HNRNPC: variants seen among roughly 807,000 people sequenced by gnomAD.
HNRNPC encodes the protein heterogeneous nuclear ribonucleoproteins C1/C2.
Under a neutral mutation model 33.2 loss-of-function variants are expected in HNRNPC, and 3 were observed. That is an observed-to-expected ratio of 0.09 (90% CI 0.04 to 0.23). The LOEUF (loss-of-function observed/expected upper bound fraction) is 0.23. HNRNPC is among the 10% of genes least tolerant of loss of function. The pLI, the probability that HNRNPC is intolerant of heterozygous loss-of-function variation, is 1.00. For missense variants in HNRNPC, 143 were observed against 366.7 expected, an observed-to-expected ratio of 0.39 and a Z score of 4.98; for synonymous variants, 121 against 126.7, an observed-to-expected ratio of 0.96 and a Z score of 0.30.
intron 5 of HNRNPC, among the ~76,000 whole-genome samples, chr14:21,225,361 G>A (rs1409369781): frequency 2.0e-5 from 3 of 151,950 alleles, no homozygotes; most frequent in Non-Finnish European, 4.4e-5. Context: ...GAACCTGGGA[G>A]GTGGAGGTTG....
chr14:21,231,093 T>A, intron 3 of HNRNPC, 21 bp from the exon 4 acceptor site: 1 of 1,597,930 alleles, frequency 6.3e-7, no homozygotes, highest in Non-Finnish European at 8.6e-7. Context: ...AAAGTAAAAA[T>A]GTTAATGACA....
chr14:21,212,030 G>A, intron 6 of HNRNPC, 107 bp from the exon 7 acceptor site: 2 of 817,450 alleles, frequency 2.4e-6, no homozygotes, highest in Non-Finnish European at 4.1e-6. Flanking sequence ...GATACCCAGG[G>A]AGAAACAGAG....
intron 5 of HNRNPC, among the ~76,000 whole-genome samples, chr14:21,226,435 G>T (rs72675015): frequency 0.15 from 23,299 of 151,592 alleles, 2,284 homozygotes; most frequent in South Asian, 0.23. Flanking sequence ...TCTATTTTTA[G>T]AGTACTTCCC....
intron 2 of HNRNPC, among the ~76,000 whole-genome samples, chr14:21,238,075 T>G (rs1208401145): frequency 6.6e-6 from 1 of 152,286 alleles, no homozygotes; most frequent in Non-Finnish European, 1.5e-5. Flanking sequence ...TCGGCCCTGA[T>G]CCCATTTTCT....
intron 1 of HNRNPC, among the ~76,000 whole-genome samples, chr14:21,266,820 G>A (rs1309484192): frequency 1.3e-5 from 2 of 151,912 alleles, no homozygotes; most frequent in African/African-American, 4.8e-5. Context: ...GCCGGGTGCG[G>A]TGGCTCACGC....
rs374642923 is a variant in HNRNPC at position 21,214,147 on chromosome 14, AACTT to A, written c.366-1034_366-1031del. Among the ~76,000 whole-genome samples the A allele has an allele frequency of 7.9e-5, 12 of 152,342 alleles. No homozygotes were observed. The East Asian group carries it at 2.3e-3, about 29-fold the overall frequency. ...CTGCAAGCTTTTTAAAAATGCAACTAACTTAATGCAAAGGCCCAGGTACTCTATA... is the reference window on the plus strand; with the variant it reads ...CTGCAAGCTTTTTAAAAATGCAACTAAATGCAAAGGCCCAGGTACTCTATA... On this transcript the variant is annotated intron_variant, in intron 5 of 8. Coordinates refer to ENST00000553300, the MANE Select transcript of HNRNPC (RefSeq NM_004500.4).
At chr14:21,238,335 C>T (rs1487971869) in intron 2 of HNRNPC, among the ~76,000 whole-genome samples, 1 of 152,144 alleles carries the variant, frequency 6.6e-6, no homozygotes, top group East Asian at 1.9e-4. Context: ...TGAAAACGTA[C>T]AATACATAGG....
At chr14:21,250,918 T>A (rs1896580877) in intron 2 of HNRNPC, among the ~76,000 whole-genome samples, 1 of 152,200 alleles carries the variant, frequency 6.6e-6, no homozygotes, top group Non-Finnish European at 1.5e-5. Context: ...GATGCTATGC[T>A]GGAGCACAGG....
intron 2 of HNRNPC, 115 bp downstream of exon 2, chr14:21,263,196 T>C (rs766653901): frequency 6.6e-6 from 1 of 152,178 alleles, no homozygotes; most frequent in Non-Finnish European, 1.5e-5. Flanking sequence ...ATCATCATCA[T>C]CACCATCATA....
intron 5 of HNRNPC, among the ~76,000 whole-genome samples, chr14:21,224,427 A>C (rs1394361709): frequency 1.3e-5 from 2 of 152,170 alleles, no homozygotes; most frequent in African/African-American, 4.8e-5. Context: ...TGACAGCACA[A>C]ACTCTGTGAA....
chr14:21,266,372 T>C (rs1387152567), intron 1 of HNRNPC, among the ~76,000 whole-genome samples: 2 of 152,154 alleles, frequency 1.3e-5, no homozygotes, highest in East Asian at 1.9e-4. Context: ...GTGCTGGGAT[T>C]ACAGGCATGA....
intron 5 of HNRNPC, among the ~76,000 whole-genome samples, chr14:21,221,205 G>A (rs1411517405): frequency 2.0e-5 from 3 of 152,212 alleles, no homozygotes; most frequent in Non-Finnish European, 4.4e-5. Flanking sequence ...TTCTACAGAT[G>A]ACTTTCTCCT....
At chr14:21,256,139 T>C (rs1469099292) in intron 2 of HNRNPC, among the ~76,000 whole-genome samples, 1 of 152,230 alleles carries the variant, frequency 6.6e-6, no homozygotes, top group Non-Finnish European at 1.5e-5. Flanking sequence ...TTAGGTTGTT[T>C]GTTTTCAGGC....
chr14:21,249,291 G>A (rs866908070), intron 2 of HNRNPC, among the ~76,000 whole-genome samples: 4 of 152,008 alleles, frequency 2.6e-5, no homozygotes, highest in Non-Finnish European at 5.9e-5. Context: ...AGGAATTGGG[G>A]CTGGGCGCAG....
chr14:21,253,312 TAAA>T (rs369876564), intron 2 of HNRNPC, among the ~76,000 whole-genome samples: 1 of 133,068 alleles, frequency 7.5e-6, no homozygotes, highest in Non-Finnish European at 1.6e-5. Flanking sequence ...CCATCTCTAC[TAAA>T]AAAAAAAAAA....
intron 1 of HNRNPC, among the ~76,000 whole-genome samples, chr14:21,267,551 A>C (rs1391559531): frequency 1.8e-5 from 2 of 108,134 alleles, no homozygotes; most frequent in African/African-American, 7.5e-5. Flanking sequence ...ATGAGGGGGA[A>C]AAAAAAGGTC....
At chr14:21,217,742 A>T (rs1288454350) in intron 5 of HNRNPC, among the ~76,000 whole-genome samples, 1 of 152,216 alleles carries the variant, frequency 6.6e-6, no homozygotes, top group Non-Finnish European at 1.5e-5. Context: ...AAGCCATTTG[A>T]TTGAAAATGG....
intron 2 of HNRNPC, among the ~76,000 whole-genome samples, chr14:21,238,523 GAA>G (rs1388170118): frequency 1.3e-5 from 2 of 152,068 alleles, no homozygotes; most frequent in Non-Finnish European, 1.5e-5. Flanking sequence ...ATTTCTGTAG[GAA>G]AAACTCATTT....
intron 1 of HNRNPC, among the ~76,000 whole-genome samples, chr14:21,266,408 A>G (rs1387308998): frequency 1.3e-5 from 2 of 152,084 alleles, no homozygotes; most frequent in African/African-American, 4.8e-5. Flanking sequence ...CTTAGAATCA[A>G]TTCTTTAAAC....
Sources: gnomAD v4.1 joint callset for allele counts (sites outside exome capture counted in the v4.1 genomes callset) on GRCh38, gnomAD v4.1.1 for gene constraint, MANE v1.5 for transcripts, NCBI Gene and HGNC (gene_info 2026-07-23, HGNC 2026-07-21) for gene names.